The following SLIT1 variants were observed in gnomAD, a reference collection of about 807,000 sequenced individuals.
The protein encoded by SLIT1 is slit guidance ligand 1.
A neutral mutation model predicts 186.1 loss-of-function variants in SLIT1; 66 were observed. The ratio of observed to expected loss-of-function variants is 0.35; its 90% confidence interval spans 0.29 to 0.44. SLIT1 has a LOEUF of 0.44. Among genes scored for constraint, SLIT1 ranks in the 20% least tolerant of loss-of-function variants. The pLI, the probability that SLIT1 is intolerant of heterozygous loss-of-function variation, is 1.00. For missense variants in SLIT1, 1,638 were observed against 2,037.4 expected (o/e 0.80, Z 3.77); for synonymous variants, 761 against 833.8 (o/e 0.91, Z 1.50).
intron 4 of SLIT1, among the ~76,000 whole-genome samples, chr10:97,072,668 T>G (rs1404338002): frequency 6.6e-6 from 1 of 152,102 alleles, no homozygotes; most frequent in Non-Finnish European, 1.5e-5. Context: ...GAAAGTGAAT[T>G]TGGGGCCCCA....
chr10:97,043,531 A>C lies in SLIT1; in HGVS notation c.1854-18T>G. ...GCAGCATTCTGGGGAGGAACGGGGG[A>C]GGGAGGAGGGGACCCTTGCTGCCCT... On this transcript the variant is annotated intron_variant, in intron 18 of 36. Transcript: ENST00000266058. The surrounding 1 kb of genome is among the most constrained non-coding windows in gnomAD (Gnocchi z 7.0). 4 of 1,546,686 alleles carry C rather than the reference A, an allele frequency of 2.6e-6. No homozygotes were observed. The highest frequency in any genetic ancestry group is 1.4e-5 in the African/African-American group (1 of 72,844).
intron 4 of SLIT1, chr10:97,101,977 G>A (rs1353005123): frequency 6.6e-6 from 1 of 152,098 alleles, no homozygotes; most frequent in African/African-American, 2.4e-5. Context: ...TATTTTCCTG[G>A]GATCAAATGT....
At chr10:97,076,221 G>A (rs1041939635) in intron 4 of SLIT1, among the ~76,000 whole-genome samples, 2 of 152,332 alleles carry the variant, frequency 1.3e-5, no homozygotes, top group African/African-American at 4.8e-5. Flanking sequence ...AGCAGAGGAA[G>A]ACTTGGCATC....
intron 1 of SLIT1, among the ~76,000 whole-genome samples, chr10:97,185,033 C>T (rs1266095062): frequency 1.3e-5 from 2 of 152,272 alleles, no homozygotes; most frequent in African/African-American, 2.4e-5. Context: ...CAGGAGCAAG[C>T]TCTGGGAGCG....
chr10:97,054,870 T>TCAG (rs1848822819), intron 13 of SLIT1, among the ~76,000 whole-genome samples: 1 of 152,190 alleles, frequency 6.6e-6, no homozygotes, highest in African/African-American at 2.4e-5. Flanking sequence ...TAAACCAACA[T>TCAG]CAGCCAGTTA....
intron 4 of SLIT1, among the ~76,000 whole-genome samples, chr10:97,083,412 G>C (rs916430023): frequency 6.6e-6 from 1 of 152,180 alleles, no homozygotes; most frequent in Non-Finnish European, 1.5e-5. Context: ...GAGGCTTCTG[G>C]AAGTGTATGT....
intron 1 of SLIT1, among the ~76,000 whole-genome samples, chr10:97,184,000 C>A (rs550173549): frequency 2.1e-5 from 3 of 144,080 alleles, no homozygotes; most frequent in Non-Finnish European, 4.5e-5. Context: ...AGCATTCACA[C>A]ACACACATAC....
chr10:97,058,680 C>T (rs1848863701), intron 11 of SLIT1, among the ~76,000 whole-genome samples: 1 of 152,220 alleles, frequency 6.6e-6, no homozygotes, highest in South Asian at 2.1e-4. Context: ...GAGTTCTATT[C>T]CGTTGTACTT....
At chr10:97,166,557 A>AGGAAGGAAAGAG (rs1283710320) in intron 1 of SLIT1, among the ~76,000 whole-genome samples, 58 of 55,178 alleles carry the variant, frequency 1.1e-3, no homozygotes, top group East Asian at 3.5e-3. Context: ...GAAGGAAGGA[A>AGGAAGGAAAGAG]AGAGAGAGAG....
Position 97,042,922 on chromosome 10 carries a change from G to A in SLIT1, c.2143C>T (p.Pro715Ser). Residue 715 changes from proline (P) to serine (S), a missense_variant, in exon 20 of 37, where the codon CCT becomes TCT. Pro to Ser is a moderately conservative substitution (Grantham distance 74). Coordinates refer to ENST00000266058, the MANE Select transcript of SLIT1 (RefSeq NM_003061.3). ...RQIPLQDVAF[P>S]DFRCEEGQEE... ...TTACCTTCCTCACACCTGAAGTCAGGGAAGGCCACGTCCTGCAGGGGAATC... is the reference window on the plus strand; with the variant it reads ...TTACCTTCCTCACACCTGAAGTCAGAGAAGGCCACGTCCTGCAGGGGAATC... The A allele has an allele frequency of 6.2e-7, 1 of 1,614,170 alleles. No individual in the cohort carries two copies. The highest frequency in any genetic ancestry group is 8.5e-7 in the Non-Finnish European group (1 of 1,180,026).
chr10:97,065,881 C>T (rs1195718966), intron 5 of SLIT1, 134 bp downstream of exon 5: 1 of 665,702 alleles, frequency 1.5e-6, no homozygotes, highest in Non-Finnish European at 2.7e-6. Context: ...ACCATGCTGG[C>T]ACCAGCCCTC....
intron 13 of SLIT1, among the ~76,000 whole-genome samples, chr10:97,055,460 C>A (rs2134632816): frequency 6.6e-6 from 1 of 152,152 alleles, no homozygotes; most frequent in South Asian, 2.1e-4. Context: ...CTCCTGGGCT[C>A]AAGCAATCAT....
chr10:97,164,752 C>T, intron 2 of SLIT1, 67 bp downstream of exon 2: 1 of 1,249,648 alleles, frequency 8.0e-7, no homozygotes. Context: ...CACCCACAGC[C>T]AGGGCCCTGC....
intron 4 of SLIT1, among the ~76,000 whole-genome samples, chr10:97,074,526 G>A (rs1368469911): frequency 2.6e-5 from 4 of 152,282 alleles, no homozygotes; most frequent in African/African-American, 9.6e-5. Context: ...TGTAACAATC[G>A]CACCTCTTCC....
intron 1 of SLIT1, among the ~76,000 whole-genome samples, chr10:97,173,287 G>T (rs2253224): frequency 0.7 from 105,698 of 152,024 alleles, 37,818 homozygotes; most frequent in Non-Finnish European, 0.79. Flanking sequence ...GGGGCAGCAC[G>T]GGCCTGGCTC....
chr10:97,056,508 C>G, intron 12 of SLIT1, 44 bp from the exon 13 acceptor site: 1 of 1,604,890 alleles, frequency 6.2e-7, no homozygotes, highest in Non-Finnish European at 8.5e-7. Flanking sequence ...AGAGGCTCGA[C>G]CTGAGACCCA....
At chr10:97,147,273 G>A (rs1215058843) in intron 4 of SLIT1, among the ~76,000 whole-genome samples, 1 of 152,130 alleles carries the variant, frequency 6.6e-6, no homozygotes, top group East Asian at 1.9e-4. Flanking sequence ...TGCAGGGAGG[G>A]GGATGAGGAG....
chr10:97,002,291 C>T lies in SLIT1; in HGVS notation c.4233G>A (p.Leu1411=), dbSNP rs1442612535. 7 of 1,610,812 alleles carry T rather than the reference C, an allele frequency of 4.3e-6. No individual in the cohort carries two copies. Among genetic ancestry groups the T allele is most frequent in the Non-Finnish European group, 5.9e-6 (7 of 1,179,180 alleles). ...CQCQDGYSGA[L]CNQAGALAEP... is the part of the protein sequence containing the mutation. ...CTGCCAGGGCCCCGGCCTGGTTGCA[C>T]AGTGCCCCCGAGTACCCATCCTGGC... Residue 1411 remains leucine (L), a synonymous_variant, in exon 36 of 37, where the codon CTG becomes CTA. Transcript: ENST00000266058.
chr10:97,088,480 T>C (rs1013117943), intron 4 of SLIT1, among the ~76,000 whole-genome samples: 9 of 152,214 alleles, frequency 5.9e-5, no homozygotes, highest in Admixed American at 3.9e-4. Flanking sequence ...TAGTCTATCA[T>C]TGGTGACATC....
Sources: allele counts gnomAD v4.1 joint callset (sites outside exome capture counted in the v4.1 genomes callset), GRCh38; gene constraint gnomAD v4.1.1; non-coding constraint Gnocchi (gnomAD v3.1); transcripts MANE v1.5; gene names NCBI Gene and HGNC (gene_info 2026-07-23, HGNC 2026-07-21).